Variants in KIF21B observed in about 807,000 individuals in gnomAD.
KIF21B encodes the protein kinesin family member 21B.
A neutral mutation model predicts 192.9 loss-of-function variants in KIF21B; 85 were observed. The observed-to-expected ratio is 0.44, with a 90% CI of 0.37 to 0.53. KIF21B has a LOEUF of 0.53. Ranked by LOEUF, KIF21B falls within the 20% of genes least tolerant of loss-of-function variation. The probability of loss-of-function intolerance (pLI) is 0.00; values close to 1 mark genes in which losing one functional copy is unlikely to be tolerated. For synonymous variants in KIF21B, 832 were observed against 884.6 expected, an observed-to-expected ratio of 0.94 and a Z score of 1.05; for missense variants, 1,716 against 2,194.8, an observed-to-expected ratio of 0.78 and a Z score of 4.36.
intron 1 of KIF21B, among the ~76,000 whole-genome samples, chr1:201,012,234 G>A (rs546854577): frequency 1.3e-5 from 2 of 152,156 alleles, no homozygotes; most frequent in East Asian, 3.9e-4. Context: ...GGGTGCAGGT[G>A]AGCATGCCTG....
chr1:201,009,012 G>A (rs904025713), intron 2 of KIF21B, 61 bp from the exon 3 acceptor site: 169 of 1,531,004 alleles, frequency 1.1e-4, no homozygotes, highest in Middle Eastern at 7.1e-4. Context: ...AGCAAGCCCT[G>A]TACCTGGGCC....
intron 26 of KIF21B, among the ~76,000 whole-genome samples, chr1:200,985,224 A>C (rs1012594959): frequency 6.6e-6 from 1 of 152,206 alleles, no homozygotes; most frequent in Admixed American, 6.5e-5. Context: ...GCAGTGGCTC[A>C]CATCTGTAAT....
At chr1:200,989,476 C>T (rs558768208) in intron 21 of KIF21B, among the ~76,000 whole-genome samples, 1 of 152,330 alleles carries the variant, frequency 6.6e-6, no homozygotes, top group African/African-American at 2.4e-5. Context: ...CTCTGCTTAG[C>T]TCTCTGTCAA....
Position 201,016,821 on chromosome 1 carries a change from C to T in KIF21B, c.41+6522G>A, listed in dbSNP as rs573757935. On this transcript the variant is annotated intron_variant, in intron 1 of 34. Transcript: ENST00000461742. ...CCCTCCTGAGACTGCCCTCAGGACT[C>T]TGAACCCCCAAACAAGAAGGCTTTG... Among the ~76,000 whole-genome samples the T allele has an allele frequency of 3.9e-5, 6 of 152,316 alleles. No homozygotes were observed. In the South Asian group the frequency reaches 1.2e-3, roughly 32 times the overall value.
chr1:200,985,098 C>T, intron 26 of KIF21B, 126 bp from the exon 27 acceptor site: 2 of 551,470 alleles, frequency 3.6e-6, no homozygotes, highest in South Asian at 5.1e-5. Flanking sequence ...GCAGTATTCT[C>T]AGAGCTCAAC....
intron 27 of KIF21B, 46 bp from the exon 28 acceptor site, chr1:200,983,140 A>G: frequency 6.7e-7 from 1 of 1,500,832 alleles, no homozygotes; most frequent in Non-Finnish European, 9.0e-7. Context: ...GAGAGGAGAC[A>G]CACACAGAGG....
intron 21 of KIF21B, 87 bp downstream of exon 21, chr1:200,989,855 C>T (rs545021846): frequency 2.5e-5 from 26 of 1,050,660 alleles, no homozygotes; most frequent in Middle Eastern, 2.2e-4. Context: ...GGTGAGGAGG[C>T]GCCAGGCCCC....
Position 200,991,554 on chromosome 1 carries a change from C to T in KIF21B, c.2454+103G>A, listed in dbSNP as rs111356008. 271 of 1,197,304 alleles carry T rather than the reference C, an allele frequency of 2.3e-4. 2 individuals are homozygous for T. Among genetic ancestry groups the T allele is most frequent in the Middle Eastern group, 1.7e-3 (6 of 3,586 alleles). 74.2% of individuals were successfully genotyped at this position (1,197,304 alleles called of 1,614,324 possible). On this transcript the variant is annotated intron_variant, in intron 17 of 34. Coordinates refer to ENST00000461742, the MANE Select transcript of KIF21B (RefSeq NM_001252102.2). ...CTGGGAAATACCGCCTTTATTCCAC[C>T]GCCAGGAAGTTGGAGGCCCAAAAGA...
chr1:201,012,443 T>G (rs1258485870), intron 1 of KIF21B, among the ~76,000 whole-genome samples: 1 of 152,208 alleles, frequency 6.6e-6, no homozygotes, highest in African/African-American at 2.4e-5. Flanking sequence ...CTCAGGCACC[T>G]CCACAGGTTA....
In KIF21B at chr1:200,979,653, G is replaced by T. The variant is rs1230284212; in HGVS notation, c.4042C>A (p.Pro1348Thr). The change falls in exon 30 of 35, where the codon CCC (proline) becomes ACC (threonine). Residue 1348 changes from proline (P) to threonine (T), a missense_variant. Physicochemically the swap from Pro to Thr is conservative, Grantham distance 38. Transcript: ENST00000461742. ...GQEIAALKGHPNNVVSIKYCS... is the reference protein window; with the variant it reads ...GQEIAALKGHTNNVVSIKYCS... ...TACTTGATGGAGACCACGTTGTTGG[G>T]GTGGCCCTTTAGAGCTGCGATCTCC... The T allele has an allele frequency of 6.3e-7, 1 of 1,587,664 alleles. No individual in the cohort carries two copies. Among genetic ancestry groups the T allele is most frequent in the Non-Finnish European group, 8.6e-7 (1 of 1,167,300 alleles).
rs1657440314 is a variant in KIF21B, at chr1:201,000,746, C to G, written c.1437G>C (p.Gln479His). 6.2e-7 allele frequency: 1 copy of G among 1,614,260 alleles called. No individual in the cohort carries two copies. The highest frequency in any genetic ancestry group is 8.5e-7 in the Non-Finnish European group (1 of 1,180,042). Residue 479 changes from glutamine (Q) to histidine (H), a missense_variant, in exon 10 of 35, where the codon CAG (glutamine) becomes CAC (histidine). Physicochemically the swap from Gln to His is conservative, Grantham distance 24 (BLOSUM62 0). Coordinates refer to ENST00000461742, the MANE Select transcript of KIF21B (RefSeq NM_001252102.2). This position sits in a 1 kb window ranked among gnomAD's most constrained non-coding sequence, Gnocchi z 6.0. ...DGNEAIGALI[Q>H]NYIREIEELR... ...GCTCCTCGATCTCCCGGATGTAGTT[C>G]TGGATCAGCGCACCAATGGCCTCAT... is the stretch of plus-strand genomic sequence containing the variant.
At position 200,996,245 on chromosome 1, in the gene KIF21B, C is replaced by T. The variant is rs767943202; in HGVS notation, c.2228G>A (p.Arg743Lys). The change falls in exon 15 of 35, where the codon AGG becomes AAG. Residue 743 changes from arginine to lysine, a missense_variant. Around this residue, in one of 3 missense-constraint regions of KIF21B, gnomAD observed 1,087 missense variants for 1,316.6 expected, o/e 0.83. Transcript: ENST00000461742. ...CTCGGCCTGTAGCTTCTTCAGCTCC[C>T]TCTCGTAGCGCGACTGGTTCTTAAG... ...RLLKNQSRYERELKKLQAEVA... is the reference protein window; with the variant it reads ...RLLKNQSRYEKELKKLQAEVA... 4 of 1,613,982 alleles carry T rather than the reference C, an allele frequency of 2.5e-6. No individual in the cohort carries two copies. The highest frequency in any genetic ancestry group is 3.4e-6 in the Non-Finnish European group (4 of 1,180,040).
chr1:200,986,835 T>G lies in KIF21B; in HGVS notation c.3689+9A>C. The G allele has an allele frequency of 1.9e-6, 3 of 1,608,638 alleles. No individual in the cohort carries two copies. Among genetic ancestry groups the G allele is most frequent in the Non-Finnish European group, 2.5e-6 (3 of 1,176,748 alleles). ...TGACTCTGGAGCAGATTCTAGAACA[T>G]GATCTCACCTAATGGGCTGCCCTCG... On this transcript the variant is annotated intron_variant, in intron 26 of 34. Coordinates refer to ENST00000461742, the MANE Select transcript of KIF21B (RefSeq NM_001252102.2).
Position 200,971,869 on chromosome 1 carries a change from G to A in KIF21B, c.*1652C>T, listed in dbSNP as rs1655230112. On this transcript the variant is annotated 3_prime_UTR_variant, in exon 35 of 35. Coordinates refer to ENST00000461742, the MANE Select transcript of KIF21B (RefSeq NM_001252102.2). The stretch of plus-strand genomic sequence containing the variant: ...CTCCCCCCAACACTGGGCGCCACAT[G>A]GAGAGGGCTCCAAGTGCCCCAGCCC... 1 of 152,478 alleles carries A rather than the reference G, an allele frequency of 6.6e-6. No individual in the cohort carries two copies. Among genetic ancestry groups the A allele is most frequent in the Non-Finnish European group, 1.5e-5 (1 of 68,242 alleles). 9.4% of individuals were successfully genotyped at this position (152,478 alleles called of 1,614,324 possible). A position where few individuals can be genotyped will look rare whatever the true frequency, so the allele number is the denominator to read the frequency against.
Position 201,004,370 on chromosome 1 carries a change from C to T in KIF21B, c.986G>A (p.Arg329Gln), listed in dbSNP as rs866691072. 1.9e-6 allele frequency: 3 copies of T among 1,574,668 alleles called. No individual in the cohort carries two copies. Among genetic ancestry groups the T allele is most frequent in the African/African-American group, 1.3e-5 (1 of 74,358 alleles). Reference protein sequence around the residue: ...HVPYRDSKLTRLLQDSLGGNS... With the variant: ...HVPYRDSKLTQLLQDSLGGNS... ...GCCCCCCAGCGAATCCTGGAGGAGC[C>T]GAGTGAGCTTGGAGTCCCTGTAGGG... The change falls in exon 7 of 35, where the codon CGG becomes CAG. Residue 329 changes from arginine to glutamine, a missense_variant. Arg to Gln is a conservative substitution (Grantham distance 43, BLOSUM62 1). Transcript: ENST00000461742.
intron 34 of KIF21B, chr1:200,974,137 G>C: frequency 6.2e-7 from 1 of 1,601,160 alleles, no homozygotes; most frequent in Non-Finnish European, 8.5e-7. Context: ...CCAGGACTCG[G>C]CGAGGAAGGC....
chr1:200,996,536 T>A, intron 14 of KIF21B, 141 bp from the exon 15 acceptor site: 1 of 705,198 alleles, frequency 1.4e-6, no homozygotes, highest in Non-Finnish European at 2.4e-6. Context: ...TCTCTGAGCC[T>A]GTTTCATCAT....
chr1:201,009,122 T>G, intron 2 of KIF21B, 144 bp downstream of exon 2: 1 of 1,105,702 alleles, frequency 9.0e-7, no homozygotes, highest in East Asian at 2.6e-5. Context: ...CTCCCTCTGC[T>G]AACCAGCGGT....
At position 200,996,317 on chromosome 1, in the gene KIF21B, C is replaced by T. The variant is rs1345199231; in HGVS notation, c.2156G>A (p.Arg719Gln). 14 of 1,614,030 alleles carry T rather than the reference C, an allele frequency of 8.7e-6. No individual in the cohort carries two copies. Among genetic ancestry groups the T allele is most frequent in the African/African-American group, 6.7e-5 (5 of 74,918 alleles). ...GGCGGCCTGCAGCTTCTGCAGGTCC[C>T]GGTTCATCTCCCGCAGCCTCTTCTC... ...DYEKRLREMN[R>Q]DLQKLQAAQK... Residue 719 changes from arginine to glutamine, a missense_variant, in exon 15 of 35, where the codon CGG (arginine) becomes CAG (glutamine). Transcript: ENST00000461742.
Sources: gnomAD v4.1 joint callset for allele counts (sites outside exome capture counted in the v4.1 genomes callset) on GRCh38, gnomAD v4.1.1 for gene constraint, gnomAD v4.1.1 regional missense constraint, Gnocchi (gnomAD v3.1) non-coding constraint, MANE v1.5 for transcripts, NCBI Gene and HGNC (gene_info 2026-07-23, HGNC 2026-07-21) for gene names.